Variants in PRKACA observed in about 807,000 individuals in gnomAD.
PRKACA encodes the protein cAMP-dependent protein kinase catalytic subunit alpha.
In PRKACA, 9 loss-of-function variants were observed where a neutral mutation model predicts 45.8. The ratio of observed to expected loss-of-function variants is 0.20; its 90% confidence interval spans 0.12 to 0.34. The LOEUF (loss-of-function observed/expected upper bound fraction) is 0.34, where lower values mean the gene tolerates loss of function less well. PRKACA is among the 10% of genes least tolerant of loss of function. The pLI, the probability that PRKACA is intolerant of heterozygous loss-of-function variation, is 1.00. For synonymous variants in PRKACA, 160 were observed against 178.6 expected (o/e 0.90, Z 0.83); for missense variants, 238 against 458.6 (o/e 0.52, Z 4.39).
At chr19:14,114,968 C>T (rs1967078063) in intron 1 of PRKACA, among the ~76,000 whole-genome samples, 1 of 152,312 alleles carries the variant, frequency 6.6e-6, no homozygotes, top group South Asian at 2.1e-4. Context: ...CCAGGTGCCC[C>T]CTGCAGGCTG....
intron 5 of PRKACA, among the ~76,000 whole-genome samples, chr19:14,100,229 A>G (rs749052784): frequency 1.3e-5 from 2 of 151,750 alleles, no homozygotes; most frequent in Non-Finnish European, 2.9e-5. Context: ...TTCTCACCTC[A>G]GCCTCAGGAC....
intron 1 of PRKACA, among the ~76,000 whole-genome samples, chr19:14,115,326 CTT>C (rs1361479006): frequency 6.6e-6 from 1 of 152,226 alleles, no homozygotes; most frequent in Middle Eastern, 3.4e-3. Flanking sequence ...GTGAGTAAAA[CTT>C]TTATTATTTT....
At position 14,115,057 on chromosome 19, in the gene PRKACA, G is replaced by A; in HGVS notation, c.46+2445C>T. The stretch of plus-strand genomic sequence containing the variant: ...CTAACTCCATCCTCTCAGAATCAGA[G>A]CGCCTCAAAGCAAAGAGGGACTTCC... On this transcript the variant is annotated intron_variant, in intron 1 of 9. Coordinates refer to ENST00000308677, the MANE Select transcript of PRKACA (RefSeq NM_002730.4). 4 of 984,788 alleles carry A rather than the reference G, an allele frequency of 4.1e-6. No individual in the cohort carries two copies. In the South Asian group the frequency reaches 1.9e-4, roughly 46 times the overall value. 61.0% of individuals were successfully genotyped at this position (984,788 alleles called of 1,614,324 possible).
At chr19:14,096,801 C>T (rs1246311254) in intron 8 of PRKACA, 1 of 200,260 alleles carries the variant, frequency 5.0e-6, no homozygotes, top group East Asian at 1.2e-4. Flanking sequence ...GCCACTATCT[C>T]AGGGTGTGAC....
In PRKACA at chr19:14,097,909, G is replaced by A. The variant is rs1297740766; in HGVS notation, c.420-19C>T. The A allele has an allele frequency of 6.2e-7, 1 of 1,613,920 alleles. No homozygotes were observed. Among genetic ancestry groups the A allele is most frequent in the Admixed American group, 1.7e-5 (1 of 60,024 alleles). ...GGGCTCACTGATGGGGACAAATGGG[G>A]AGGTGAACGTCAGTGGTCATGCCCC... is the stretch of plus-strand genomic sequence containing the variant. On this transcript the variant is annotated intron_variant, in intron 5 of 9. Transcript: ENST00000308677. This position sits in a 1 kb window ranked among gnomAD's most constrained non-coding sequence, Gnocchi z 5.4.
At chr19:14,098,033 G>A (rs1977315750) in intron 5 of PRKACA, 143 bp from the exon 6 acceptor site, 30 of 1,032,332 alleles carry the variant, frequency 2.9e-5, no homozygotes, top group Non-Finnish European at 3.8e-5. Flanking sequence ...TAGATAGCCC[G>A]ACATGGGAAA....
intron 1 of PRKACA, chr19:14,114,164 C>A: frequency 1.2e-6 from 2 of 1,611,206 alleles, no homozygotes; most frequent in South Asian, 2.2e-5. Flanking sequence ...ATCACTCAGT[C>A]CTGTTCTCAG....
At chr19:14,109,965 A>AAAAATATAT (rs1568537449) in intron 1 of PRKACA, among the ~76,000 whole-genome samples, 1 of 23,772 alleles carries the variant, frequency 4.2e-5, no homozygotes, top group Non-Finnish European at 8.6e-5. Context: ...AAAAAAAAAA[A>AAAAATATAT]ATATATATAT....
chr19:14,093,552 A>C, intron 9 of PRKACA, 76 bp downstream of exon 9: 3 of 1,512,248 alleles, frequency 2.0e-6, no homozygotes, highest in Non-Finnish European at 2.7e-6. Context: ...TCTCTTCTCT[A>C]TTTCTCTATT....
chr19:14,097,308 A>G lies in PRKACA; in HGVS notation c.765+53T>C, dbSNP rs1389550968. ...GGCTCCCCAGGGAATAGGATGGGTG[A>G]GCAGGGAACGGTCTGTTTCTTCCAG... On this transcript the variant is annotated intron_variant, in intron 8 of 9. Transcript: ENST00000308677. This position sits in a 1 kb window ranked among gnomAD's most constrained non-coding sequence, Gnocchi z 5.4. The G allele has an allele frequency of 9.9e-6, 16 of 1,612,098 alleles. No homozygotes were observed. The highest frequency in any genetic ancestry group is 1.4e-5 in the Non-Finnish European group (16 of 1,178,680).
chr19:14,115,622 A>G (rs1967090182), intron 1 of PRKACA, among the ~76,000 whole-genome samples: 1 of 152,268 alleles, frequency 6.6e-6, no homozygotes, highest in African/African-American at 2.4e-5. Context: ...CTATTTTACC[A>G]TGATCATTCA....
At chr19:14,109,400 A>G (rs1977704458) in intron 1 of PRKACA, among the ~76,000 whole-genome samples, 1 of 151,946 alleles carries the variant, frequency 6.6e-6, no homozygotes, top group Admixed American at 6.6e-5. Flanking sequence ...GTGAGCTGAG[A>G]TCATGCCATT....
intron 2 of PRKACA, 92 bp from the exon 3 acceptor site, chr19:14,106,980 G>A (rs2144475503): frequency 6.5e-7 from 1 of 1,535,660 alleles, no homozygotes; most frequent in Non-Finnish European, 8.8e-7. Flanking sequence ...ACCGGCAGAG[G>A]GGGCCCCGGG....
At chr19:14,106,569 G>A (rs1232992044) in intron 3 of PRKACA, among the ~76,000 whole-genome samples, 191 bp downstream of exon 3, 4 of 152,130 alleles carry the variant, frequency 2.6e-5, no homozygotes, top group Admixed American at 6.5e-5. Flanking sequence ...CAGGAGAATC[G>A]CTTGAACTAG....
chr19:14,097,705 G>A lies in PRKACA; in HGVS notation c.547-31C>T. 2.5e-6 allele frequency: 4 copies of A among 1,612,374 alleles called. No homozygotes were observed. The highest frequency in any genetic ancestry group is 3.4e-6 in the Non-Finnish European group (4 of 1,178,740). On this transcript the variant is annotated intron_variant, in intron 6 of 9. Transcript: ENST00000308677. This position sits in a 1 kb window ranked among gnomAD's most constrained non-coding sequence, Gnocchi z 5.4. ...GGCACAAGAACAGGCAGTTGGCAGGGAGGAAGGGTCCAGGCCACGGCTTCC... is the reference window on the plus strand; with the variant it reads ...GGCACAAGAACAGGCAGTTGGCAGGAAGGAAGGGTCCAGGCCACGGCTTCC...
chr19:14,097,271 G>T lies in PRKACA; in HGVS notation c.765+90C>A. 6.3e-7 allele frequency: 1 copy of T among 1,590,938 alleles called. No individual in the cohort carries two copies. The highest frequency in any genetic ancestry group is 8.6e-7 in the Non-Finnish European group (1 of 1,162,546). Reference sequence around the variant, plus strand: ...ACTTAAGGAACTTCTAGATTATTCTGACAACAAGCAGGGCTCCCCAGGGAA... The same window carrying T: ...ACTTAAGGAACTTCTAGATTATTCTTACAACAAGCAGGGCTCCCCAGGGAA... On this transcript the variant is annotated intron_variant, in intron 8 of 9. Coordinates refer to ENST00000308677, the MANE Select transcript of PRKACA (RefSeq NM_002730.4). The surrounding 1 kb of genome is among the most constrained non-coding windows in gnomAD (Gnocchi z 5.4).
rs146307054 is a variant in PRKACA at position 14,100,246 on chromosome 19, G to C, written c.419+580C>G. Reference sequence around the variant, plus strand: ...CTCACCTCAGCCTCAGGACTAGTGGGACTACAGATGCATGCCACCTTTTGG... The same window carrying C: ...CTCACCTCAGCCTCAGGACTAGTGGCACTACAGATGCATGCCACCTTTTGG... On this transcript the variant is annotated intron_variant, in intron 5 of 9. Transcript: ENST00000308677. Among the ~76,000 whole-genome samples the C allele has an allele frequency of 3.0e-3, 463 of 151,962 alleles. 2 individuals are homozygous for C. The highest frequency in any genetic ancestry group is 0.01 in the African/African-American group (425 of 41,440).
In PRKACA at chr19:14,093,120, C is replaced by T. The variant is rs770850404; in HGVS notation, c.1048G>A (p.Glu350Lys). 6.6e-7 allele frequency: 1 copy of T among 1,524,948 alleles called. No homozygotes were observed. The highest frequency in any genetic ancestry group is 8.9e-7 in the Non-Finnish European group (1 of 1,127,470). 94.5% of individuals were successfully genotyped at this position (1,524,948 alleles called of 1,614,324 possible). The change falls in exon 10 of 10, where the codon GAG becomes AAG. Residue 350 changes from glutamate (E) to lysine (K), a missense_variant. By Grantham distance (56) the Glu-to-Lys change is moderately conservative. Coordinates refer to ENST00000308677, the MANE Select transcript of PRKACA (RefSeq NM_002730.4). Reference sequence around the variant, plus strand: ...GGGGCACAGGCATGCCCCTAAAACTCAGAAAACTCCTTGCCACACTTCTCA... The same window carrying T: ...GGGGCACAGGCATGCCCCTAAAACTTAGAAAACTCCTTGCCACACTTCTCA... ...INEKCGKEFS[E>K]F
chr19:14,093,221 A>G lies in PRKACA; in HGVS notation c.947T>C (p.Ile316Thr), dbSNP rs1358800512. 2 of 1,613,636 alleles carry G rather than the reference A, an allele frequency of 1.2e-6. No homozygotes were observed. Among genetic ancestry groups the G allele is most frequent in the Admixed American group, 1.7e-5 (1 of 59,878 alleles). Residue 316 changes from isoleucine (I) to threonine (T), a missense_variant, in exon 10 of 10, where the codon ATA becomes ACA. By Grantham distance (89) the Ile-to-Thr change is moderately conservative. Around this residue, in one of 3 missense-constraint regions of PRKACA, gnomAD observed 51 missense variants for 68.6 expected, o/e 0.74. Transcript: ENST00000308677. ...ATCCCCAGGGCCTTTAAACTTTGGT[A>G]TGAAGGGAGCTTCCACCTGGAGAGG... Reference protein sequence around the residue: ...IYQRKVEAPFIPKFKGPGDTS... With the variant: ...IYQRKVEAPFTPKFKGPGDTS...
Sources: allele counts gnomAD v4.1 joint callset (sites outside exome capture counted in the v4.1 genomes callset), GRCh38; gene constraint gnomAD v4.1.1; regional missense constraint gnomAD v4.1.1; non-coding constraint Gnocchi (gnomAD v3.1); transcripts MANE v1.5; gene names NCBI Gene and HGNC (gene_info 2026-07-23, HGNC 2026-07-21).